Variants in FYCO1 observed in about 807,000 individuals in gnomAD.
FYCO1 encodes FYVE and coiled-coil domain autophagy adaptor 1, also known as FYVE and coiled-coil domain-containing protein 1.
A neutral mutation model predicts 165.1 loss-of-function variants in FYCO1; 122 were observed. That is an observed-to-expected ratio of 0.74 (90% CI 0.64 to 0.86). FYCO1 has a LOEUF of 0.86. Ranked by LOEUF, FYCO1 falls within the 40% of genes least tolerant of loss-of-function variation. The pLI, the probability that FYCO1 is intolerant of heterozygous loss-of-function variation, is 0.00. For missense variants in FYCO1, 1,702 were observed against 1,810.3 expected (o/e 0.94, Z 1.09); for synonymous variants, 648 against 742.5 (o/e 0.87, Z 2.07).
At chr3:45,946,409 C>A in intron 14 of FYCO1, 2 of 1,372,236 alleles carry the variant, frequency 1.5e-6, no homozygotes, top group Non-Finnish European at 2.0e-6. Context: ...AGCAGGAAGA[C>A]AAAGAATGCC....
intron 15 of FYCO1, among the ~76,000 whole-genome samples, chr3:45,932,109 C>A (rs1275313456): frequency 6.6e-6 from 1 of 152,184 alleles, no homozygotes; most frequent in Non-Finnish European, 1.5e-5. Flanking sequence ...ACCACACCTG[C>A]CTCAGGACTG....
chr3:45,939,217 C>A (rs1053116465), intron 14 of FYCO1, among the ~76,000 whole-genome samples: 19 of 151,972 alleles, frequency 1.3e-4, no homozygotes, highest in African/African-American at 4.3e-4. Flanking sequence ...GCCATCCTGG[C>A]ATTCCTGGGC....
intron 14 of FYCO1, chr3:45,947,602 C>T (rs940998161): frequency 2.4e-5 from 24 of 990,496 alleles, no homozygotes; most frequent in East Asian, 1.2e-4. Flanking sequence ...TTATAGCTTG[C>T]GCATTCTCAT....
chr3:45,941,741 T>C (rs1006284562), intron 14 of FYCO1, among the ~76,000 whole-genome samples: 1 of 152,194 alleles, frequency 6.6e-6, no homozygotes, highest in Admixed American at 6.5e-5. Flanking sequence ...TTTTTCCCCA[T>C]GGAGTAGAAA....
At chr3:45,946,499 C>T in intron 14 of FYCO1, 5 of 1,613,476 alleles carry the variant, frequency 3.1e-6, no homozygotes, top group Non-Finnish European at 3.4e-6. Flanking sequence ...AGCATGATTA[C>T]CATGAAGACT....
chr3:45,953,352 A>G (rs1333226346), intron 14 of FYCO1, among the ~76,000 whole-genome samples: 1 of 152,222 alleles, frequency 6.6e-6, no homozygotes, highest in East Asian at 1.9e-4. Context: ...TGGGACCCAC[A>G]TAAATTCTTT....
At chr3:45,958,838 A>G (rs1435442960) in intron 12 of FYCO1, among the ~76,000 whole-genome samples, 2 of 152,222 alleles carry the variant, frequency 1.3e-5, no homozygotes, top group African/African-American at 4.8e-5. Context: ...CCTGGGAGGC[A>G]GGGAGACAAA....
At chr3:45,989,058 C>T (rs1282070754) in intron 1 of FYCO1, among the ~76,000 whole-genome samples, 5 of 152,212 alleles carry the variant, frequency 3.3e-5, no homozygotes, top group Non-Finnish European at 7.3e-5. Flanking sequence ...TGAGTAGTCA[C>T]ACAAGGAAAG....
chr3:45,982,135 A>G (rs913917356), intron 2 of FYCO1, among the ~76,000 whole-genome samples: 1 of 152,212 alleles, frequency 6.6e-6, no homozygotes, highest in Non-Finnish European at 1.5e-5. Context: ...GACAATCACA[A>G]TTCCAACAAT....
chr3:45,976,293 T>C (rs1706753567), intron 4 of FYCO1, among the ~76,000 whole-genome samples: 1 of 152,150 alleles, frequency 6.6e-6, no homozygotes, highest in South Asian at 2.1e-4. Flanking sequence ...GTGATGGAAA[T>C]GGGATATGTT....
In FYCO1 at chr3:45,962,356, G is replaced by A; in HGVS notation, c.3306C>T (p.Ile1102=). 6.2e-7 allele frequency: 1 copy of A among 1,614,168 alleles called. No homozygotes were observed. Among genetic ancestry groups the A allele is most frequent in the Non-Finnish European group, 8.5e-7 (1 of 1,180,030 alleles). ...QKELEKATTK[I]QEYYNKLCQE... Reference sequence around the variant, plus strand: ...GGCAGAGTTTGTTGTAATACTCTTGGATTTTTGTTGTGGCTTTTTCGAGTT... The same window carrying A: ...GGCAGAGTTTGTTGTAATACTCTTGAATTTTTGTTGTGGCTTTTTCGAGTT... The change falls in exon 11 of 18, where the codon ATC becomes ATT. Residue 1102 remains isoleucine (I), a synonymous_variant. Transcript: ENST00000296137. The surrounding 1 kb of genome is among the most constrained non-coding windows in gnomAD (Gnocchi z 4.4).
rs1297898539 is a variant in FYCO1, at chr3:45,975,356, C to G, written c.289-11G>C. The G allele has an allele frequency of 1.2e-6, 2 of 1,600,626 alleles. No homozygotes were observed. The highest frequency in any genetic ancestry group is 3.3e-5 in the Admixed American group (2 of 59,998). The stretch of plus-strand genomic sequence containing the variant: ...CAAGGATGTTCGGAGCTGGAAAAAG[C>G]AGATTACATAGAGCCAAAGAGCTGT... On this transcript the variant is annotated splice_polypyrimidine_tract_variant and intron_variant, in intron 4 of 17. Coordinates refer to ENST00000296137, the MANE Select transcript of FYCO1 (RefSeq NM_024513.4).
chr3:45,918,711 T>A lies in FYCO1; in HGVS notation c.*3054A>T, dbSNP rs772939865. ...CCTGAAATAGTTTCACCACCTTCGA[T>A]GATAATTTTAAAATTTCCAAAACAC... is the stretch of plus-strand genomic sequence containing the variant. On this transcript the variant is annotated 3_prime_UTR_variant, in exon 18 of 18. Transcript: ENST00000296137. 5 of 152,234 alleles carry A rather than the reference T, an allele frequency of 3.3e-5. No homozygotes were observed. Among genetic ancestry groups the A allele is most frequent in the African/African-American group, 4.8e-5 (2 of 41,460 alleles). 9.4% of individuals were successfully genotyped at this position (152,234 alleles called of 1,614,324 possible). A position where few individuals can be genotyped will look rare whatever the true frequency, so the allele number is the denominator to read the frequency against.
intron 12 of FYCO1, 118 bp downstream of exon 12, chr3:45,959,272 GCTC>G: frequency 9.0e-7 from 1 of 1,106,304 alleles, no homozygotes; most frequent in Non-Finnish European, 1.4e-6. Context: ...AACGCAATGT[GCTC>G]TTCCTAAATA....
Position 45,919,591 on chromosome 3 carries a change from C to T in FYCO1, c.*2174G>A, listed in dbSNP as rs1396385281. ...CAGGAAGGACCTCAGATGGAATGTCCCAGGCCCCAAACCCATTAGCTACTC... is the reference window on the plus strand; with the variant it reads ...CAGGAAGGACCTCAGATGGAATGTCTCAGGCCCCAAACCCATTAGCTACTC... On this transcript the variant is annotated 3_prime_UTR_variant, in exon 18 of 18. Coordinates refer to ENST00000296137, the MANE Select transcript of FYCO1 (RefSeq NM_024513.4). 2 of 152,140 alleles carry T rather than the reference C, an allele frequency of 1.3e-5. No individual in the cohort carries two copies. Among genetic ancestry groups the T allele is most frequent in the Non-Finnish European group, 2.9e-5 (2 of 68,046 alleles). The allele number at this position is 152,140 out of a possible 1,614,324, so 9.4% of individuals were successfully genotyped here. A position where few individuals can be genotyped will look rare whatever the true frequency, so the allele number is the denominator to read the frequency against.
At chr3:45,984,396 C>T (rs1707214834) in intron 2 of FYCO1, among the ~76,000 whole-genome samples, 1 of 152,210 alleles carries the variant, frequency 6.6e-6, no homozygotes, top group African/African-American at 2.4e-5. Flanking sequence ...TACAGTGCAT[C>T]CCAGGCAATG....
At chr3:45,926,437 T>A (rs912842272) in intron 16 of FYCO1, among the ~76,000 whole-genome samples, 1 of 152,356 alleles carries the variant, frequency 6.6e-6, no homozygotes, top group South Asian at 2.1e-4. Flanking sequence ...GATAAATATG[T>A]CAGTTCATTA....
intron 4 of FYCO1, among the ~76,000 whole-genome samples, chr3:45,977,900 CA>C (rs1437880951): frequency 6.6e-6 from 1 of 152,180 alleles, no homozygotes; most frequent in Non-Finnish European, 1.5e-5. Flanking sequence ...AAGTAACCAG[CA>C]ACTCACTTAG....
rs780658932 is a variant in FYCO1 at position 45,962,257 on chromosome 3, C to A, written c.3405G>T (p.Lys1135Asn). 1.2e-6 allele frequency: 2 copies of A among 1,614,242 alleles called. No homozygotes were observed. The highest frequency in any genetic ancestry group is 1.7e-6 in the Non-Finnish European group (2 of 1,180,036). ...ADLDDLNRTK[K>N]YLEERLIELL... The stretch of plus-strand genomic sequence containing the variant: ...GCTCTATCAGCCGCTCCTCGAGATA[C>A]TTCTTGGTTCTGTTGAGGTCATCCA... Residue 1135 changes from lysine (K) to asparagine (N), a missense_variant, in exon 11 of 18, where the codon AAG (lysine) becomes AAT (asparagine). Lys to Asn is a moderately conservative substitution (Grantham distance 94). Transcript: ENST00000296137. The surrounding 1 kb of genome is among the most constrained non-coding windows in gnomAD (Gnocchi z 4.4).
Sources: gnomAD v4.1 joint callset for allele counts (sites outside exome capture counted in the v4.1 genomes callset) on GRCh38, gnomAD v4.1.1 for gene constraint, Gnocchi (gnomAD v3.1) non-coding constraint, MANE v1.5 for transcripts, NCBI Gene and HGNC (gene_info 2026-07-23, HGNC 2026-07-21) for gene names.